The following TMC7 variants were observed in gnomAD, a reference collection of about 807,000 sequenced individuals.
The protein encoded by TMC7 is transmembrane channel like 7, also known as transmembrane channel-like protein 7.
A neutral mutation model predicts 82.9 loss-of-function variants in TMC7; 54 were observed. The ratio of observed to expected loss-of-function variants is 0.65; its 90% CI spans 0.52 to 0.82. TMC7 has a LOEUF of 0.82. Ranked by LOEUF, TMC7 falls within the 40% of genes least tolerant of loss-of-function variation. The probability of loss-of-function intolerance (pLI) is 0.00; values close to 1 mark genes in which losing one functional copy is unlikely to be tolerated. For missense variants in TMC7, 820 were observed against 901.2 expected (o/e 0.91, Z 1.15); for synonymous variants, 350 against 337.9 (o/e 1.04, Z -0.39).
chr16:19,035,930 C>T (rs1046343315), intron 7 of TMC7, 107 bp downstream of exon 7: 1 of 1,317,268 alleles, frequency 7.6e-7, no homozygotes, highest in African/African-American at 1.5e-5. Context: ...GACAGGTTGT[C>T]CCTGGTACTT....
At chr16:19,031,483 C>G (rs1960513382) in intron 6 of TMC7, among the ~76,000 whole-genome samples, 1 of 152,242 alleles carries the variant, frequency 6.6e-6, no homozygotes, top group Middle Eastern at 3.4e-3. Context: ...ACAAAAGGCA[C>G]AAAGACCCAA....
chr16:19,001,762 G>A (rs1567503452), intron 1 of TMC7, among the ~76,000 whole-genome samples: 1 of 152,190 alleles, frequency 6.6e-6, no homozygotes, highest in African/African-American at 2.4e-5. Flanking sequence ...GCTATGTGGT[G>A]TTTGAAGGAG....
At chr16:19,036,345 T>A (rs915007443) in intron 7 of TMC7, among the ~76,000 whole-genome samples, 2 of 151,994 alleles carry the variant, frequency 1.3e-5, no homozygotes, top group Non-Finnish European at 2.9e-5. Context: ...CCATCTCTAC[T>A]AAAAATACAA....
intron 9 of TMC7, 110 bp downstream of exon 9, chr16:19,040,556 CAA>C: frequency 1.0e-6 from 1 of 975,752 alleles, no homozygotes; most frequent in Non-Finnish European, 1.5e-6. Context: ...CCTGCTGAGC[CAA>C]GAGTCCTCCT....
In TMC7 at chr16:19,051,763, G is replaced by C. The variant is rs1192136663; in HGVS notation, c.1818G>C (p.Val606=). 4.3e-6 allele frequency: 7 copies of C among 1,613,970 alleles called. No homozygotes were observed. The highest frequency in any genetic ancestry group is 5.9e-6 in the Non-Finnish European group (7 of 1,180,036). ...ATTCTAATTTCTTCTTCCTGTTGGT[G>C]TTGTTGATCGGGCTGTGTTTGGCAA... is the stretch of plus-strand genomic sequence containing the variant. ...ASNSNFFFLL[V]LLIGLCLAII... Residue 606 remains valine (V), a synonymous_variant, in exon 13 of 16, where the codon GTG becomes GTC. Transcript: ENST00000304381.
intron 13 of TMC7, 59 bp from the exon 14 acceptor site, chr16:19,056,483 C>T (rs988888727): frequency 1.2e-5 from 19 of 1,561,998 alleles, no homozygotes; most frequent in Middle Eastern, 2.2e-4. Flanking sequence ...TGTACAGGGG[C>T]GGGACACTCA....
intron 1 of TMC7, among the ~76,000 whole-genome samples, chr16:19,007,687 A>G (rs972499090): frequency 1.3e-5 from 2 of 151,992 alleles, no homozygotes; most frequent in Non-Finnish European, 2.9e-5. Flanking sequence ...AAAAAAATAA[A>G]TAAATAAAAT....
intron 13 of TMC7, among the ~76,000 whole-genome samples, chr16:19,053,683 G>A (rs922369667): frequency 7.2e-5 from 11 of 152,132 alleles, no homozygotes; most frequent in African/African-American, 2.2e-4. Context: ...GATTACAGGC[G>A]TGAGCCACTG....
chr16:19,038,352 C>T (rs149867912), intron 8 of TMC7, among the ~76,000 whole-genome samples: 109 of 152,006 alleles, frequency 7.2e-4, no homozygotes, highest in African/African-American at 2.1e-3. Flanking sequence ...TGTGCCACCA[C>T]GCCTGGCTAA....
rs555757504 is a variant in TMC7 at position 19,059,857 on chromosome 16, A to G, written c.2106+363A>G. ...TTGGGCGTGGTGGTGGGCACCTGTA[A>G]TCCCAGCTACTTGGGAGGCTGAGGC... On this transcript the variant is annotated intron_variant, in intron 15 of 15. Coordinates refer to ENST00000304381, the MANE Select transcript of TMC7 (RefSeq NM_024847.4). The G allele has an allele frequency of 1.4e-4, 77 of 543,572 alleles. 1 individual carries two copies. In the South Asian group the frequency reaches 1.5e-3, roughly 11 times the overall value. 33.7% of individuals were successfully genotyped at this position (543,572 alleles called of 1,614,324 possible). A position where few individuals can be genotyped will look rare whatever the true frequency, so the allele number is the denominator to read the frequency against.
rs1319108466 is a variant in TMC7 at position 19,063,913 on chromosome 16, T to A, written c.*2070T>A. The A allele has an allele frequency of 6.6e-6, 1 of 152,202 alleles. No individual in the cohort carries two copies. Among genetic ancestry groups the A allele is most frequent in the Non-Finnish European group, 1.5e-5 (1 of 68,036 alleles). The allele number at this position is 152,202 out of a possible 1,614,324, so 9.4% of individuals were successfully genotyped here. On this transcript the variant is annotated 3_prime_UTR_variant, in exon 16 of 16. Coordinates refer to ENST00000304381, the MANE Select transcript of TMC7 (RefSeq NM_024847.4). ...TCTAACAAATGTGCCTTACAACTCC[T>A]GATTAAACGGCGTCTTGAAGGTTTT...
At position 19,054,682 on chromosome 16, in the gene TMC7, C is replaced by T. The variant is rs180690781; in HGVS notation, c.1872-1860C>T. ...GTGAGCCGAGATTGCACCAATGCCA[C>T]TCTAGCCTGGGCAACAAGAGTGTAA... On this transcript the variant is annotated intron_variant, in intron 13 of 15. Coordinates refer to ENST00000304381, the MANE Select transcript of TMC7 (RefSeq NM_024847.4). 1.5e-3 allele frequency among the ~76,000 whole-genome samples: 219 copies of T among 149,474 alleles called. 1 individual carries two copies. The highest frequency in any genetic ancestry group is 2.6e-3 in the Non-Finnish European group (178 of 67,544).
chr16:19,013,631 C>T (rs1171774540), intron 2 of TMC7, among the ~76,000 whole-genome samples: 1 of 152,084 alleles, frequency 6.6e-6, no homozygotes, highest in Non-Finnish European at 1.5e-5. Context: ...GACTGTCCCA[C>T]TTCAGCCTCC....
At chr16:19,020,089 A>AAAAG (rs898115832) in intron 3 of TMC7, among the ~76,000 whole-genome samples, 1 of 152,200 alleles carries the variant, frequency 6.6e-6, no homozygotes, top group Non-Finnish European at 1.5e-5. Context: ...AAAACAGAAT[A>AAAAG]AAAGAAAAAA....
rs185557478 is a variant in TMC7, at chr16:18,998,180, C to T, written c.68-10992C>T. Among the ~76,000 whole-genome samples the T allele has an allele frequency of 2.8e-3, 426 of 152,288 alleles. 4 individuals are homozygous for T. Among genetic ancestry groups the T allele is most frequent in the African/African-American group, 9.8e-3 (408 of 41,560 alleles). On this transcript the variant is annotated intron_variant, in intron 1 of 15. Transcript: ENST00000304381. ...CCTCTTTACAGAAAACGTTTGCTGA[C>T]GTCTGTTCTAAGCACATTACATATG... is the stretch of plus-strand genomic sequence containing the variant.
intron 1 of TMC7, among the ~76,000 whole-genome samples, chr16:18,999,602 G>A (rs920932107): frequency 2.6e-5 from 4 of 152,208 alleles, no homozygotes; most frequent in Non-Finnish European, 5.9e-5. Context: ...CTCAGTAAAT[G>A]TTTCTGAGTG....
intron 1 of TMC7, 24 bp from the exon 2 acceptor site, chr16:19,009,148 A>G: frequency 1.2e-6 from 2 of 1,606,424 alleles, no homozygotes; most frequent in Non-Finnish European, 1.7e-6. Context: ...GGAGTGAATG[A>G]TGACTTTCTT....
At chr16:19,019,849 T>C (rs1959877839) in intron 3 of TMC7, among the ~76,000 whole-genome samples, 1 of 152,208 alleles carries the variant, frequency 6.6e-6, no homozygotes. Context: ...TGACATGAAG[T>C]GCAGGTGTGA....
chr16:19,026,151 T>A (rs1415858450), intron 5 of TMC7, among the ~76,000 whole-genome samples: 2 of 148,308 alleles, frequency 1.3e-5, no homozygotes, highest in Admixed American at 1.4e-4. Flanking sequence ...GTTGGGTGGG[T>A]GTTCAAATGT....
Sources: gnomAD v4.1 joint callset for allele counts (sites outside exome capture counted in the v4.1 genomes callset) on GRCh38, gnomAD v4.1.1 for gene constraint, MANE v1.5 for transcripts, NCBI Gene and HGNC (gene_info 2026-07-23, HGNC 2026-07-21) for gene names.